The following TLK2 variants were observed in gnomAD, a reference collection of about 807,000 sequenced individuals.
TLK2 encodes the protein tousled like kinase 2.
A neutral mutation model predicts 117.3 loss-of-function variants in TLK2; 6 were observed. The ratio of observed to expected loss-of-function variants is 0.05; its 90% CI spans 0.03 to 0.10. The LOEUF (loss-of-function observed/expected upper bound fraction) is 0.10, where lower values mean the gene tolerates loss of function less well. TLK2 is among the 10% of genes least tolerant of loss of function. TLK2 has a pLI of 1.00. For synonymous variants in TLK2, 257 were observed against 316.7 expected (o/e 0.81, Z 2.00); for missense variants, 299 against 901.2 (o/e 0.33, Z 8.56).
intron 1 of TLK2, 55 bp from the exon 2 acceptor site, chr17:62,481,066 T>C (rs2071585773): frequency 6.5e-7 from 1 of 1,542,696 alleles, no homozygotes; most frequent in Non-Finnish European, 8.9e-7. Context: ...CTACAGAAAA[T>C]TGCCTCCTCA....
At chr17:62,536,126 TTA>T in intron 6 of TLK2, 42 bp from the exon 7 acceptor site, 1 of 1,589,868 alleles carries the variant, frequency 6.3e-7, no homozygotes, top group Non-Finnish European at 8.6e-7. Flanking sequence ...CAGTATCAGA[TTA>T]TCTTTCTCAT....
At chr17:62,599,857 C>T (rs2082749046) in intron 17 of TLK2, among the ~76,000 whole-genome samples, 1 of 152,140 alleles carries the variant, frequency 6.6e-6, no homozygotes, top group South Asian at 2.1e-4. Flanking sequence ...TCAAACAGTT[C>T]AGGACACCTT....
At chr17:62,477,072 C>T (rs2071070763), upstream of TLK2, among the ~76,000 whole-genome samples, 1 of 151,716 alleles carries the variant, frequency 6.6e-6, no homozygotes, top group Admixed American at 6.6e-5. Context: ...GCCTGGGCGA[C>T]AGAGCGAGAC....
intron 9 of TLK2, 130 bp from the exon 10 acceptor site, chr17:62,559,886 A>G (rs1368505733): frequency 1.9e-6 from 1 of 532,286 alleles, no homozygotes; most frequent in Non-Finnish European, 3.4e-6. Flanking sequence ...GTTACTTCTT[A>G]CCTGTTTGAA....
intron 2 of TLK2, among the ~76,000 whole-genome samples, chr17:62,508,923 G>GCAC (rs1243268539): frequency 6.6e-6 from 1 of 152,070 alleles, no homozygotes; most frequent in Non-Finnish European, 1.5e-5. Flanking sequence ...AGCCGAGATT[G>GCAC]CACCACTGCA....
At chr17:62,483,565 C>A (rs1222617084) in intron 2 of TLK2, among the ~76,000 whole-genome samples, 1 of 152,216 alleles carries the variant, frequency 6.6e-6, no homozygotes, top group Non-Finnish European at 1.5e-5. Context: ...TGCAGTGGCA[C>A]GATCTCGGCT....
intron 9 of TLK2, among the ~76,000 whole-genome samples, chr17:62,554,567 G>A (rs2443115): frequency 0.63 from 96,262 of 151,908 alleles, 30,680 homozygotes; most frequent in East Asian, 0.81. Flanking sequence ...GGGCGACAGA[G>A]TGATACTTTG....
chr17:62,546,243 G>A (rs746062706), intron 7 of TLK2, among the ~76,000 whole-genome samples: 3 of 151,734 alleles, frequency 2.0e-5, no homozygotes, highest in Non-Finnish European at 4.4e-5. Context: ...GAACTCCTGA[G>A]CTCAAGCTAT....
intron 1 of TLK2, among the ~76,000 whole-genome samples, chr17:62,472,363 C>T (rs1271173912): frequency 6.6e-6 from 1 of 152,154 alleles, no homozygotes; most frequent in East Asian, 1.9e-4. Flanking sequence ...GTGCCTCCTC[C>T]TCCATGCCCA....
At chr17:62,605,358 T>C (rs752744658) in intron 19 of TLK2, among the ~76,000 whole-genome samples, 10 of 152,092 alleles carry the variant, frequency 6.6e-5, no homozygotes, top group Admixed American at 5.9e-4. Context: ...TATAGGGACA[T>C]TACTGCCTCC....
upstream of TLK2, among the ~76,000 whole-genome samples, chr17:62,478,237 G>A (rs2071151006): frequency 6.6e-6 from 1 of 151,744 alleles, no homozygotes; most frequent in South Asian, 2.1e-4. Context: ...GGGGTCCGCC[G>A]CTCACACATA....
chr17:62,480,032 T>A (rs971468941), intron 1 of TLK2, among the ~76,000 whole-genome samples: 4 of 152,270 alleles, frequency 2.6e-5, no homozygotes. Context: ...TGCACTTGCA[T>A]GTGTGGGTGA....
At chr17:62,551,750 A>G (rs954927147) in intron 7 of TLK2, 22 of 155,206 alleles carry the variant, frequency 1.4e-4, no homozygotes, top group African/African-American at 5.3e-4. Context: ...AATATAATTA[A>G]CCTGAATAGG....
rs114837493 is a variant in TLK2, at chr17:62,599,455, G to A, written c.1551-1196G>A. Among the ~76,000 whole-genome samples, 298 of 152,302 alleles carry A rather than the reference G, an allele frequency of 2.0e-3. 1 individual carries two copies. Among genetic ancestry groups the A allele is most frequent in the African/African-American group, 6.1e-3 (255 of 41,564 alleles). On this transcript the variant is annotated intron_variant, in intron 17 of 21. Coordinates refer to ENST00000346027, the MANE Select transcript of TLK2 (RefSeq NM_006852.6). ...CTCTGTATCTTTGGGGGGTTAGCCCGTGTAGGCTGTGTTTATCAGGCCCAT... is the reference window on the plus strand; with the variant it reads ...CTCTGTATCTTTGGGGGGTTAGCCCATGTAGGCTGTGTTTATCAGGCCCAT...
At chr17:62,503,909 T>G (rs1449150070) in intron 2 of TLK2, among the ~76,000 whole-genome samples, 1 of 151,786 alleles carries the variant, frequency 6.6e-6, no homozygotes, top group African/African-American at 2.4e-5. Flanking sequence ...TTTTTTTGTA[T>G]TTTTAGTAGA....
intron 6 of TLK2, among the ~76,000 whole-genome samples, chr17:62,526,375 A>G (rs2145640445): frequency 6.6e-6 from 1 of 152,254 alleles, no homozygotes; most frequent in South Asian, 2.1e-4. Context: ...GCAAACCTCC[A>G]GCAATTCTTC....
Position 62,555,987 on chromosome 17 carries a change from C to G in TLK2, c.720+2232C>G, listed in dbSNP as rs1384351302. 1.3e-5 allele frequency among the ~76,000 whole-genome samples: 2 copies of G among 152,088 alleles called. 1 individual carries two copies. ...TTAATTAATTATTAATTTTTTGAGACAGAGTCTCACTTTGTCACCCAGGTT... is the reference window on the plus strand; with the variant it reads ...TTAATTAATTATTAATTTTTTGAGAGAGAGTCTCACTTTGTCACCCAGGTT... On this transcript the variant is annotated intron_variant, in intron 9 of 21. Transcript: ENST00000346027.
upstream of TLK2, among the ~76,000 whole-genome samples, chr17:62,476,458 C>T (rs902550987): frequency 4.6e-5 from 7 of 152,196 alleles, no homozygotes; most frequent in East Asian, 1.4e-3. Flanking sequence ...TGGTGTGCGC[C>T]TGTAATCCCA....
At position 62,580,022 on chromosome 17, in the gene TLK2, T is replaced by C. The variant is rs78639152; in HGVS notation, c.1287-89T>C. 1,684 of 921,574 alleles carry C rather than the reference T, an allele frequency of 1.8e-3. 3 individuals are homozygous for C. The highest frequency in any genetic ancestry group is 2.6e-3 in the Non-Finnish European group (1,544 of 594,290). 57.1% of individuals were successfully genotyped at this position (921,574 alleles called of 1,614,324 possible). A position where few individuals can be genotyped will look rare whatever the true frequency, so the allele number is the denominator to read the frequency against. ...TACCAACAGCAGCTATAATTATATG[T>C]ATAATGTGTTAGATATTCTGGGAAT... On this transcript the variant is annotated intron_variant, in intron 14 of 21. Coordinates refer to ENST00000346027, the MANE Select transcript of TLK2 (RefSeq NM_006852.6).
Sources: gnomAD v4.1 joint callset for allele counts (sites outside exome capture counted in the v4.1 genomes callset) on GRCh38, gnomAD v4.1.1 for gene constraint, MANE v1.5 for transcripts, NCBI Gene and HGNC (gene_info 2026-07-23, HGNC 2026-07-21) for gene names.